TJP1: variants seen among roughly 807,000 people sequenced by gnomAD.
The protein encoded by TJP1 is tight junction protein ZO-1.
TJP1 carries 43 observed loss-of-function variants against 194.2 expected under a neutral mutation model. The ratio of observed to expected loss-of-function variants is 0.22; its 90% CI spans 0.17 to 0.29. The LOEUF (loss-of-function observed/expected upper bound fraction) is 0.29, where lower values mean the gene tolerates loss of function less well. Among genes scored for constraint, TJP1 ranks in the 10% least tolerant of loss-of-function variants. The pLI, the probability that TJP1 is intolerant of heterozygous loss-of-function variation, is 1.00. For synonymous variants in TJP1, 801 were observed against 779.0 expected (o/e 1.03, Z -0.47); for missense variants, 1,971 against 2,185.7 (o/e 0.90, Z 1.96).
At chr15:29,866,115 C>G (rs1256339458) in intron 2 of TJP1, among the ~76,000 whole-genome samples, 1 of 152,158 alleles carries the variant, frequency 6.6e-6, no homozygotes, top group Non-Finnish European at 1.5e-5. Context: ...CTTTTTCTTT[C>G]AGTGATATGG....
intron 1 of TJP1, among the ~76,000 whole-genome samples, chr15:29,810,400 A>G (rs1051433289): frequency 6.6e-6 from 1 of 152,224 alleles, no homozygotes; most frequent in African/African-American, 2.4e-5. Flanking sequence ...GACCCAAACC[A>G]AGAATGCAGC....
At chr15:29,834,216 G>A (rs952347506) in intron 2 of TJP1, among the ~76,000 whole-genome samples, 11 of 145,810 alleles carry the variant, frequency 7.5e-5, no homozygotes, top group Non-Finnish European at 1.5e-5. Flanking sequence ...AATCTTGTGA[G>A]TAAATAGGGA....
intron 2 of TJP1, among the ~76,000 whole-genome samples, chr15:29,913,489 G>A (rs1257718062): frequency 6.6e-6 from 1 of 152,146 alleles, no homozygotes; most frequent in Non-Finnish European, 1.5e-5. Context: ...TTCTAGAAGG[G>A]GGTCTATGGT....
chr15:29,770,428 G>A (rs901271488), intron 4 of TJP1, among the ~76,000 whole-genome samples: 7 of 151,790 alleles, frequency 4.6e-5, no homozygotes, highest in Admixed American at 6.6e-5. Context: ...GCGAAACCGT[G>A]TCTTAAAAAA....
chr15:29,702,728 C>T (rs1229368964), intron 27 of TJP1, among the ~76,000 whole-genome samples: 1 of 152,090 alleles, frequency 6.6e-6, no homozygotes, highest in Non-Finnish European at 1.5e-5. Context: ...TTTCATTTTT[C>T]CAGAAAATGG....
chr15:29,880,567 C>T (rs969097789), intron 2 of TJP1, among the ~76,000 whole-genome samples: 7 of 152,170 alleles, frequency 4.6e-5, no homozygotes, highest in Non-Finnish European at 1.5e-5. Context: ...ATATCTGAAA[C>T]TTTCATACCC....
intron 23 of TJP1, among the ~76,000 whole-genome samples, chr15:29,712,255 G>A (rs1227957076): frequency 2.6e-5 from 4 of 152,130 alleles, no homozygotes; most frequent in Non-Finnish European, 5.9e-5. Context: ...CATGAATTTA[G>A]ACTAAGCCCT....
chr15:29,766,545 G>A lies in TJP1; in HGVS notation c.313-3C>T. On this transcript the variant is annotated splice_region_variant and splice_polypyrimidine_tract_variant and intron_variant, in intron 4 of 27. Transcript: ENST00000614355. ...ACTTTCTTCTTCCTTCTAATTGTCT[G>A]CAAGTTAAAAAGGTTAAAAAATAAG... 1 of 1,532,030 alleles carries A rather than the reference G, an allele frequency of 6.5e-7. No homozygotes were observed. The allele number at this position is 1,532,030 out of a possible 1,614,324, so 94.9% of individuals were successfully genotyped here.
At chr15:29,952,145 AG>A (rs1360157953) in intron 2 of TJP1, among the ~76,000 whole-genome samples, 2 of 152,292 alleles carry the variant, frequency 1.3e-5, no homozygotes, top group Non-Finnish European at 2.9e-5. Flanking sequence ...TATCACCCCC[AG>A]GGGGAAAAAA....
intron 15 of TJP1, chr15:29,728,298 A>G: frequency 3.2e-6 from 1 of 314,620 alleles, no homozygotes; most frequent in Non-Finnish European, 5.9e-6. Context: ...CTGGGGCTCT[A>G]ATATGGCTCA....
intron 11 of TJP1, among the ~76,000 whole-genome samples, chr15:29,736,486 C>G (rs923039239): frequency 2.6e-5 from 4 of 152,120 alleles, no homozygotes; most frequent in African/African-American, 9.7e-5. Context: ...GGTAGAGAAG[C>G]AGAATAAATG....
intron 2 of TJP1, among the ~76,000 whole-genome samples, chr15:29,773,650 A>G (rs373990055): frequency 3.3e-4 from 50 of 152,356 alleles, no homozygotes; most frequent in African/African-American, 1.1e-3. Flanking sequence ...ATTTTTGATC[A>G]GAAGAGGTCC....
Position 29,851,999 on chromosome 15 carries a change from A to G in TJP1, c.307-51297T>C, listed in dbSNP as rs543133194. 7.2e-5 allele frequency among the ~76,000 whole-genome samples: 11 copies of G among 152,356 alleles called. No homozygotes were observed. In the East Asian group the frequency reaches 2.1e-3, roughly 29 times the overall value. ...AGTTAACTCAAAATGTATGACACTT[A>G]AGTATTATAAAATTATAAAACTTTT... is the stretch of plus-strand genomic sequence containing the variant. On this transcript the variant is annotated intron_variant, in intron 2 of 28. Coordinates refer to the TJP1 transcript ENST00000356107.
chr15:29,712,633 G>A (rs2151059717), intron 23 of TJP1, among the ~76,000 whole-genome samples: 1 of 152,204 alleles, frequency 6.6e-6, no homozygotes, highest in South Asian at 2.1e-4. Context: ...CCCGTCTGCT[G>A]GCCCATCCTT....
chr15:29,797,899 A>G (rs1243937003), intron 2 of TJP1, among the ~76,000 whole-genome samples: 1 of 152,242 alleles, frequency 6.6e-6, no homozygotes, highest in Non-Finnish European at 1.5e-5. Context: ...TACCAAAGAT[A>G]TATGGACAAC....
intron 1 of TJP1, among the ~76,000 whole-genome samples, chr15:29,815,820 C>G (rs995477364): frequency 1.3e-5 from 2 of 152,102 alleles, no homozygotes; most frequent in African/African-American, 2.4e-5. Flanking sequence ...TACATTTGGT[C>G]TCTAAACAGA....
chr15:29,906,449 T>C (rs896308968), intron 2 of TJP1, among the ~76,000 whole-genome samples: 12 of 132,290 alleles, frequency 9.1e-5, no homozygotes, highest in East Asian at 4.2e-4. Context: ...GCCTGGGCGA[T>C]AGAGCGAGAC....
chr15:29,890,144 C>T (rs2053253412), intron 2 of TJP1, among the ~76,000 whole-genome samples: 1 of 152,150 alleles, frequency 6.6e-6, no homozygotes, highest in Non-Finnish European at 1.5e-5. Context: ...CCATCCACCC[C>T]GACCTTGAGT....
rs773212237 is a variant in TJP1, at chr15:29,820,900, G to GC, written c.27+1101dup. 1.1e-4 allele frequency among the ~76,000 whole-genome samples: 16 copies of GC among 152,190 alleles called. No homozygotes were observed. In the East Asian group the frequency reaches 1.3e-3, roughly 13 times the overall value. Reference sequence around the variant, plus strand: ...TGTAACCGCTAGCTTCTCCCAGCCAGCAAACAAGCTTCTGTGAGAGTTCAA... The same window carrying GC: ...TGTAACCGCTAGCTTCTCCCAGCCAGCCAAACAAGCTTCTGTGAGAGTTCAA... On this transcript the variant is annotated intron_variant, in intron 1 of 27. Coordinates refer to ENST00000614355, the MANE Select transcript of TJP1 (RefSeq NM_001330239.4).
Sources: gnomAD v4.1 joint callset for allele counts (sites outside exome capture counted in the v4.1 genomes callset) on GRCh38, gnomAD v4.1.1 for gene constraint, MANE v1.5 for transcripts, NCBI Gene and HGNC (gene_info 2026-07-23, HGNC 2026-07-21) for gene names.